Variants in NCAM2 observed in about 807,000 individuals in gnomAD.
NCAM2 encodes N-CAM-2.
A neutral mutation model predicts 98.1 loss-of-function variants in NCAM2; 30 were observed. That is an observed-to-expected ratio of 0.31 (90% confidence interval 0.23 to 0.41). NCAM2 has a LOEUF of 0.41. NCAM2 is among the 10% of genes least tolerant of loss of function. NCAM2 has a pLI of 1.00. For synonymous variants in NCAM2, 368 were observed against 342.4 expected, an observed-to-expected ratio of 1.07 and a Z score of -0.83; for missense variants, 867 against 1,005.8, an observed-to-expected ratio of 0.86 and a Z score of 1.87.
chr21:21,300,914 A>G (rs2073688922), intron 5 of NCAM2, among the ~76,000 whole-genome samples: 1 of 151,964 alleles, frequency 6.6e-6, no homozygotes, highest in Admixed American at 6.6e-5. Context: ...TAAGTTTGTC[A>G]TGTACAATAA....
intron 8 of NCAM2, among the ~76,000 whole-genome samples, chr21:21,349,395 T>G (rs2075275792): frequency 1.3e-5 from 2 of 152,142 alleles, no homozygotes; most frequent in South Asian, 4.1e-4. Context: ...CTCACTCTGA[T>G]TAAAATGGCT....
At chr21:21,178,328 A>G (rs1425696365) in intron 1 of NCAM2, among the ~76,000 whole-genome samples, 1 of 152,142 alleles carries the variant, frequency 6.6e-6, no homozygotes, top group Admixed American at 6.5e-5. Flanking sequence ...AGACAGAGCA[A>G]TGACTAGTTC....
intron 8 of NCAM2, among the ~76,000 whole-genome samples, chr21:21,371,239 A>G (rs890906993): frequency 5.3e-5 from 8 of 151,826 alleles, no homozygotes; most frequent in African/African-American, 1.9e-4. Flanking sequence ...GATACATTAA[A>G]ACAGTTTTGA....
At chr21:21,405,847 G>A (rs750736419) in intron 9 of NCAM2, among the ~76,000 whole-genome samples, 1 of 152,020 alleles carries the variant, frequency 6.6e-6, no homozygotes, top group Non-Finnish European at 1.5e-5. Flanking sequence ...ACAATCTAGG[G>A]AATCTTCTTT....
At chr21:21,147,388 C>G in intron 1 of NCAM2, 3 of 564,822 alleles carry the variant, frequency 5.3e-6, no homozygotes, top group Non-Finnish European at 6.7e-6. Flanking sequence ...TGGAGTGACT[C>G]AGTCACTTCA....
At chr21:21,387,577 C>A (rs1353920334) in intron 9 of NCAM2, among the ~76,000 whole-genome samples, 1 of 152,078 alleles carries the variant, frequency 6.6e-6, no homozygotes, top group Non-Finnish European at 1.5e-5. Flanking sequence ...CAGCCTCACA[C>A]TGTTCATATG....
intron 6 of NCAM2, among the ~76,000 whole-genome samples, chr21:21,332,357 G>A (rs1664428389): frequency 6.6e-6 from 1 of 152,094 alleles, no homozygotes; most frequent in South Asian, 2.1e-4. Flanking sequence ...GCTCTTTTAG[G>A]TGGATCCAAA....
chr21:21,099,305 G>A (rs2066189823), intron 1 of NCAM2, among the ~76,000 whole-genome samples: 1 of 151,812 alleles, frequency 6.6e-6, no homozygotes, highest in Non-Finnish European at 1.5e-5. Flanking sequence ...TACACTAAAG[G>A]TACAAATAAA....
chr21:21,531,746 C>T (rs1385015431), intron 16 of NCAM2, among the ~76,000 whole-genome samples: 1 of 150,878 alleles, frequency 6.6e-6, no homozygotes, highest in African/African-American at 2.4e-5. Context: ...TCTGGTATTA[C>T]TTAATATAAC....
At chr21:21,303,535 G>A (rs1195880352) in intron 5 of NCAM2, among the ~76,000 whole-genome samples, 1 of 151,738 alleles carries the variant, frequency 6.6e-6, no homozygotes, top group Non-Finnish European at 1.5e-5. Flanking sequence ...ATGGCTTTTG[G>A]GAAGTTTCAG....
intron 15 of NCAM2, among the ~76,000 whole-genome samples, chr21:21,482,400 T>A (rs1303931559): frequency 6.6e-6 from 1 of 152,124 alleles, no homozygotes; most frequent in Non-Finnish European, 1.5e-5. Flanking sequence ...TTATCTGTAA[T>A]AAACTAGCAC....
intron 9 of NCAM2, among the ~76,000 whole-genome samples, chr21:21,394,469 C>CTTTTTTTTTTTTTTTTTTTTTTTTTTTT (rs532068473): frequency 8.7e-5 from 5 of 57,672 alleles, no homozygotes; most frequent in Non-Finnish European, 1.5e-4. Context: ...AAGGGGCCAG[C>CTTTTTTTTTTTTTTTTTTTTTTTTTTTT]TTTTTTTTTT....
At chr21:21,526,009 A>G (rs772258617) in intron 16 of NCAM2, among the ~76,000 whole-genome samples, 1 of 152,094 alleles carries the variant, frequency 6.6e-6, no homozygotes. Flanking sequence ...AACTTAATAA[A>G]GGATATCTAA....
intron 8 of NCAM2, among the ~76,000 whole-genome samples, chr21:21,349,876 T>C (rs962083999): frequency 3.3e-5 from 5 of 152,028 alleles, no homozygotes; most frequent in African/African-American, 9.7e-5. Context: ...ATCAAAACAA[T>C]TGAACTCAAG....
At chr21:21,352,083 T>C (rs2075357460) in intron 8 of NCAM2, among the ~76,000 whole-genome samples, 2 of 152,042 alleles carry the variant, frequency 1.3e-5, no homozygotes, top group Admixed American at 6.6e-5. Flanking sequence ...CCTTGTTTTT[T>C]TGAGAAAGGG....
At chr21:21,288,450 A>G (rs961364265) in intron 4 of NCAM2, among the ~76,000 whole-genome samples, 1 of 151,880 alleles carries the variant, frequency 6.6e-6, no homozygotes, top group Non-Finnish European at 1.5e-5. Flanking sequence ...AGAAAATCCA[A>G]TGTAGAAGAA....
At chr21:21,466,123 T>G (rs1179880952) in intron 12 of NCAM2, among the ~76,000 whole-genome samples, 6 of 151,980 alleles carry the variant, frequency 3.9e-5, no homozygotes, top group African/African-American at 1.4e-4. Flanking sequence ...ATAAACTATT[T>G]TTGCTGTATT....
chr21:21,227,936 A>C (rs2070455642), intron 1 of NCAM2, among the ~76,000 whole-genome samples: 1 of 151,824 alleles, frequency 6.6e-6, no homozygotes, highest in Non-Finnish European at 1.5e-5. Context: ...AATACAACTA[A>C]TGACTTTTAA....
At chr21:21,247,911 C>G (rs1165339328) in intron 1 of NCAM2, among the ~76,000 whole-genome samples, 1 of 152,046 alleles carries the variant, frequency 6.6e-6, no homozygotes, top group Non-Finnish European at 1.5e-5. Flanking sequence ...TCTCCTTTCC[C>G]TTCTTCCTTC....
Sources: allele counts gnomAD v4.1 joint callset (sites outside exome capture counted in the v4.1 genomes callset), GRCh38; gene constraint gnomAD v4.1.1; transcripts MANE v1.5; gene names NCBI Gene and HGNC (gene_info 2026-07-23, HGNC 2026-07-21).